Variants in CARS1 observed in about 807,000 individuals in gnomAD.
CARS1 encodes cysteinyl-tRNA synthetase 1.
In CARS1, 48 loss-of-function variants were observed where a neutral mutation model predicts 106.2. That is an observed-to-expected ratio of 0.45 (90% CI 0.36 to 0.57). CARS1 has a LOEUF of 0.57. Ranked by LOEUF, CARS1 falls within the 20% of genes least tolerant of loss-of-function variation. The probability of loss-of-function intolerance (pLI) is 0.00; values close to 1 mark genes in which losing one functional copy is unlikely to be tolerated. For missense variants in CARS1, 968 were observed against 1,057.2 expected (o/e 0.92, Z 1.17); for synonymous variants, 409 against 403.4 (o/e 1.01, Z -0.17).
Position 3,041,106 on chromosome 11 carries a change from C to G in CARS1, c.367-122G>C. On this transcript the variant is annotated intron_variant, in intron 3 of 22. Coordinates refer to ENST00000380525, the MANE Select transcript of CARS1 (RefSeq NM_001014437.3). The surrounding 1 kb of genome is among the most constrained non-coding windows in gnomAD (Gnocchi z 4.9). Reference sequence around the variant, plus strand: ...TTTAGTGTAAACAATTCAACAGAGACCATTTTGTTTTACTGTGAAAAGTCA... The same window carrying G: ...TTTAGTGTAAACAATTCAACAGAGAGCATTTTGTTTTACTGTGAAAAGTCA... 1 of 1,500,004 alleles carries G rather than the reference C, an allele frequency of 6.7e-7. No individual in the cohort carries two copies. The highest frequency in any genetic ancestry group is 2.4e-5 in the East Asian group (1 of 42,270). The allele number at this position is 1,500,004 out of a possible 1,614,324, so 92.9% of individuals were successfully genotyped here.
intron 2 of CARS1, 22 bp downstream of exon 2, chr11:3,047,731 G>A (rs781235392): frequency 1.3e-6 from 2 of 1,592,380 alleles, no homozygotes; most frequent in Non-Finnish European, 1.7e-6. Flanking sequence ...CTAATGGCCA[G>A]GGAACCCACT....
intron 10 of CARS1, among the ~76,000 whole-genome samples, chr11:3,023,308 C>T (rs1851746183): frequency 1.3e-5 from 2 of 152,302 alleles, no homozygotes; most frequent in African/African-American, 2.4e-5. Context: ...GAGTTGTTCA[C>T]GGCTTCCTCT....
rs548042692 is a variant in CARS1, at chr11:3,044,417, CTTTTTT to C, written c.275-2167_275-2162del. Among the ~76,000 whole-genome samples the C allele has an allele frequency of 1.4e-5, 2 of 146,792 alleles. No homozygotes were observed. Among genetic ancestry groups the C allele is most frequent in the Admixed American group, 1.4e-4 (2 of 14,618 alleles). On this transcript the variant is annotated intron_variant, in intron 2 of 22. Transcript: ENST00000380525. This position sits in a 1 kb window ranked among gnomAD's most constrained non-coding sequence, Gnocchi z 4.4. ...ATATCACATAAGGACCCTTGCCCCC[CTTTTTT>C]TTTTTTAGATAAAATCTGGCTGAAG...
chr11:3,025,192 CTCTA>C (rs1327620414), intron 10 of CARS1, among the ~76,000 whole-genome samples: 3 of 152,150 alleles, frequency 2.0e-5, no homozygotes, highest in Admixed American at 6.5e-5. Context: ...ACCTGGCTAT[CTCTA>C]TCTTTCTTCA....
In CARS1 at chr11:3,048,757, TC is replaced by T. The variant is rs1171394085; in HGVS notation, c.26-757del. 7.9e-5 allele frequency among the ~76,000 whole-genome samples: 12 copies of T among 152,112 alleles called. No individual in the cohort carries two copies. The highest frequency in any genetic ancestry group is 1.6e-4 in the Non-Finnish European group (11 of 68,022). On this transcript the variant is annotated intron_variant, in intron 1 of 22. Transcript: ENST00000380525. The surrounding 1 kb of genome is among the most constrained non-coding windows in gnomAD (Gnocchi z 5.1). ...ACAGCCTCAGGAGGACTGGGCCCCC[TC>T]AAAGGACCAGCCCAAGAAAGCACAG...
chr11:3,053,403 G>A lies in CARS1; in HGVS notation c.25+3940C>T, dbSNP rs1030450289. On this transcript the variant is annotated intron_variant, in intron 1 of 22. Transcript: ENST00000380525. The surrounding 1 kb of genome is among the most constrained non-coding windows in gnomAD (Gnocchi z 6.6). ...CCGCCACCATGCCCAGCTAATTTTT[G>A]TATTTTTAGTAGAGACGGGGTTTCT... 1.3e-5 allele frequency among the ~76,000 whole-genome samples: 2 copies of A among 151,902 alleles called. No homozygotes were observed. Among genetic ancestry groups the A allele is most frequent in the African/African-American group, 4.8e-5 (2 of 41,332 alleles).
intron 17 of CARS1, among the ~76,000 whole-genome samples, chr11:3,012,884 CTTTT>C (rs768906268): frequency 2.6e-5 from 3 of 116,930 alleles, no homozygotes; most frequent in Non-Finnish European, 3.4e-5. Flanking sequence ...CTATATTTCC[CTTTT>C]TTTTTTTTTT....
chr11:3,013,144 T>C (rs901355441), intron 17 of CARS1, among the ~76,000 whole-genome samples: 1 of 151,488 alleles, frequency 6.6e-6, no homozygotes, highest in African/African-American at 2.4e-5. Flanking sequence ...CGCCTTGGCC[T>C]CCCAAAGCAT....
rs1854764520 is a variant in CARS1, at chr11:3,043,612, C to G, written c.275-1356G>C. Reference sequence around the variant, plus strand: ...TGGCAGCTCACCAGGGTGCTCGCATCCTGCCTCCTCCTGTCCCTGGTTTCT... The same window carrying G: ...TGGCAGCTCACCAGGGTGCTCGCATGCTGCCTCCTCCTGTCCCTGGTTTCT... On this transcript the variant is annotated intron_variant, in intron 2 of 22. Transcript: ENST00000380525. The surrounding 1 kb of genome is among the most constrained non-coding windows in gnomAD (Gnocchi z 4.0). 6.6e-6 allele frequency among the ~76,000 whole-genome samples: 1 copy of G among 151,760 alleles called. No individual in the cohort carries two copies. The highest frequency in any genetic ancestry group is 2.4e-5 in the African/African-American group (1 of 41,292).
At chr11:3,014,506 C>T (rs971824750) in intron 17 of CARS1, among the ~76,000 whole-genome samples, 1 of 152,242 alleles carries the variant, frequency 6.6e-6, no homozygotes, top group African/African-American at 2.4e-5. Context: ...AAGGCACCCC[C>T]ACAACCACAG....
At position 3,019,264 on chromosome 11, in the gene CARS1, G is replaced by A. The variant is rs963621041; in HGVS notation, c.1270C>T (p.Arg424Cys). 9 of 1,425,794 alleles carry A rather than the reference G, an allele frequency of 6.3e-6. No individual in the cohort carries two copies. The highest frequency in any genetic ancestry group is 2.6e-5 in the Admixed American group (1 of 37,924). 88.3% of individuals were successfully genotyped at this position (1,425,794 alleles called of 1,614,324 possible). A position where few individuals can be genotyped will look rare whatever the true frequency, so the allele number is the denominator to read the frequency against. The change falls in exon 12 of 23, where the codon CGT becomes TGT. Residue 424 changes from arginine to cysteine, a missense_variant. By Grantham distance (180) the Arg-to-Cys change is radical. Coordinates refer to ENST00000380525, the MANE Select transcript of CARS1 (RefSeq NM_001014437.3). This position sits in a 1 kb window ranked among gnomAD's most constrained non-coding sequence, Gnocchi z 6.2. ...PSWPCPWGKG[R>C]PGWHIECSAM... ...GAGCACTCGATATGCCAGCCCGGAC[G>A]ACCCTGGAGAAAGCCGAACACACAG...
chr11:3,038,166 G>A lies in CARS1; in HGVS notation c.685C>T (p.Pro229Ser), dbSNP rs1310520806. The A allele has an allele frequency of 1.2e-6, 2 of 1,613,996 alleles. No individual in the cohort carries two copies. The highest frequency in any genetic ancestry group is 2.2e-5 in the East Asian group (1 of 44,892). ...FSVKLNETTD[P>S]DKKQMLERIQ... Reference sequence around the variant, plus strand: ...CGTTCGAGCATCTGCTTTTTATCGGGATCCGTGGTCTCATTTAATTTTACT... The same window carrying A: ...CGTTCGAGCATCTGCTTTTTATCGGAATCCGTGGTCTCATTTAATTTTACT... The change falls in exon 7 of 23, where the codon CCC (proline) becomes TCC (serine). Residue 229 changes from proline to serine, a missense_variant. By Grantham distance (74) the Pro-to-Ser change is moderately conservative. Coordinates refer to ENST00000380525, the MANE Select transcript of CARS1 (RefSeq NM_001014437.3). The surrounding 1 kb of genome is among the most constrained non-coding windows in gnomAD (Gnocchi z 4.0).
intron 18 of CARS1, among the ~76,000 whole-genome samples, chr11:3,010,176 G>A (rs1850312716): frequency 6.6e-6 from 1 of 152,234 alleles, no homozygotes; most frequent in South Asian, 2.1e-4. Context: ...AGCAAGTCCT[G>A]TCCTGGTCAG....
intron 17 of CARS1, among the ~76,000 whole-genome samples, chr11:3,013,996 C>A (rs1850749971): frequency 6.6e-6 from 1 of 152,130 alleles, no homozygotes; most frequent in Admixed American, 6.5e-5. Flanking sequence ...GTCAGGCAGG[C>A]TAGCAAGCCC....
At position 3,006,341 on chromosome 11, in the gene CARS1, G is replaced by A. The variant is rs147802680; in HGVS notation, c.2149+538C>T. 1.4e-3 allele frequency among the ~76,000 whole-genome samples: 211 copies of A among 152,274 alleles called. 1 individual carries two copies. The highest frequency in any genetic ancestry group is 2.1e-3 in the Non-Finnish European group (146 of 68,004). ...GGCGTCTGTAATCCCAGCTACTCGG[G>A]AGGCTGAGGCAGGAGAATCGCTTGA... On this transcript the variant is annotated intron_variant, in intron 19 of 22. Coordinates refer to ENST00000380525, the MANE Select transcript of CARS1 (RefSeq NM_001014437.3).
At position 3,034,218 on chromosome 11, in the gene CARS1, G is replaced by A. The variant is rs1299165769; in HGVS notation, c.801+3832C>T. 1.5e-5 allele frequency among the ~76,000 whole-genome samples: 2 copies of A among 130,006 alleles called. No individual in the cohort carries two copies. The highest frequency in any genetic ancestry group is 4.9e-5 in the African/African-American group (2 of 40,614). 85.3% of individuals were successfully genotyped at this position (130,006 alleles called of 152,430 possible). On this transcript the variant is annotated intron_variant, in intron 7 of 22. Transcript: ENST00000380525. This position sits in a 1 kb window ranked among gnomAD's most constrained non-coding sequence, Gnocchi z 6.3. ...TTCTTTTTTTTGTTTTCTGTTTTTT[G>A]TTTTGTTTTGTTTTGTTTTTTTGAG...
In CARS1 at chr11:3,019,053, C is replaced by A; in HGVS notation, c.1395+86G>T. 12 of 1,427,210 alleles carry A rather than the reference C, an allele frequency of 8.4e-6. No individual in the cohort carries two copies. Among genetic ancestry groups the A allele is most frequent in the Non-Finnish European group, 1.0e-5 (11 of 1,067,242 alleles). 88.4% of individuals were successfully genotyped at this position (1,427,210 alleles called of 1,614,324 possible). On this transcript the variant is annotated intron_variant, in intron 12 of 22. Transcript: ENST00000380525. The surrounding 1 kb of genome is among the most constrained non-coding windows in gnomAD (Gnocchi z 6.2). The stretch of plus-strand genomic sequence containing the variant: ...GTGTCAAGTTCTAGTGAGAGAGGCC[C>A]TTCTGAGGCCTGGGCTGACTTTTCC...
chr11:3,042,783 C>T (rs2134268916), intron 2 of CARS1, among the ~76,000 whole-genome samples: 1 of 152,330 alleles, frequency 6.6e-6, no homozygotes, highest in East Asian at 1.9e-4. Context: ...CCTGGACAAA[C>T]TGAGGATTTT....
chr11:3,031,606 CTCT>C lies in CARS1; in HGVS notation c.802-2166_802-2164del, dbSNP rs1461168854. On this transcript the variant is annotated intron_variant, in intron 7 of 22. Transcript: ENST00000380525. The stretch of plus-strand genomic sequence containing the variant: ...AAAGCTGAATAAACTGAAAAACCAA[CTCT>C]TCTTAGATCCATAAGAGAAGTTAGG... The C allele has an allele frequency of 2.0e-5, 3 of 152,376 alleles. No individual in the cohort carries two copies. In the East Asian group the frequency reaches 5.8e-4, roughly 29 times the overall value. 9.4% of individuals were successfully genotyped at this position (152,376 alleles called of 1,614,324 possible).
Sources: gnomAD v4.1 joint callset for allele counts (sites outside exome capture counted in the v4.1 genomes callset) on GRCh38, gnomAD v4.1.1 for gene constraint, Gnocchi (gnomAD v3.1) non-coding constraint, MANE v1.5 for transcripts, NCBI Gene and HGNC (gene_info 2026-07-23, HGNC 2026-07-21) for gene names.